Variants in GMFG observed in about 807,000 individuals in gnomAD.
GMFG encodes glia maturation factor gamma.
In GMFG, 21 loss-of-function variants were observed where a neutral mutation model predicts 26.1. The ratio of observed to expected loss-of-function variants is 0.80; its 90% CI spans 0.57 to 1.16. The LOEUF is 1.16. Ranked by LOEUF, GMFG falls within the 50% of genes most tolerant of loss-of-function variation. The pLI, the probability that GMFG is intolerant of heterozygous loss-of-function variation, is 0.00. For missense variants in GMFG, 161 were observed against 178.3 expected, an observed-to-expected ratio of 0.90 and a Z score of 0.55; for synonymous variants, 65 against 60.8, an observed-to-expected ratio of 1.07 and a Z score of -0.32.
In GMFG at chr19:39,329,591, T is replaced by C; in HGVS notation, c.236A>G (p.Asp79Gly). The change falls in exon 5 of 7, where the codon GAT becomes GGT. Residue 79 changes from aspartate (D) to glycine (G), a missense_variant. By Grantham distance (94) the Asp-to-Gly change is moderately conservative. Coordinates refer to ENST00000597595, the MANE Select transcript of GMFG (RefSeq NM_004877.4). ...ACACAAAGGGTAGGACACTCGGCCATCGTCATGCACGTACTTGTAGCTGTA... is the reference window on the plus strand; with the variant it reads ...ACACAAAGGGTAGGACACTCGGCCACCGTCATGCACGTACTTGTAGCTGTA... Reference protein sequence around the residue: ...VVYSYKYVHDDGRVSYPLCFI... With the variant: ...VVYSYKYVHDGGRVSYPLCFI... The C allele has an allele frequency of 6.2e-7, 1 of 1,611,902 alleles. No homozygotes were observed. The highest frequency in any genetic ancestry group is 8.5e-7 in the Non-Finnish European group (1 of 1,178,052).
intron 3 of GMFG, among the ~76,000 whole-genome samples, chr19:39,334,595 T>C (rs1352958778): frequency 6.6e-6 from 1 of 152,046 alleles, no homozygotes; most frequent in Non-Finnish European, 1.5e-5. Context: ...GGAAACTCTT[T>C]CATTTAAATG....
chr19:39,328,748 G>C, intron 6 of GMFG, 200 bp from the exon 7 acceptor site: 1 of 608,618 alleles, frequency 1.6e-6, no homozygotes, highest in South Asian at 1.9e-5. Context: ...GTGTGGTGGC[G>C]TGTGCCTGTC....
chr19:39,328,845 T>A, intron 6 of GMFG, 155 bp downstream of exon 6: 1 of 666,316 alleles, frequency 1.5e-6, no homozygotes, highest in Non-Finnish European at 2.7e-6. Flanking sequence ...GCCACTGCAC[T>A]CCAGCCTGGA....
At chr19:39,335,939 C>A (rs369601636) in intron 1 of GMFG, 35 bp downstream of exon 1, 1 of 1,453,210 alleles carries the variant, frequency 6.9e-7, no homozygotes, top group Non-Finnish European at 9.7e-7. Flanking sequence ...CCAACCCCAG[C>A]CCCAGCTCTT....
chr19:39,335,437 A>G lies in GMFG; in HGVS notation c.98T>C (p.Ile33Thr), dbSNP rs146990947. The G allele has an allele frequency of 1.2e-4, 189 of 1,611,612 alleles. No homozygotes were observed. The African/African-American group carries it at 2.2e-3, about 19-fold the overall frequency. The change falls in exon 2 of 7, where the codon ATA becomes ACA. Residue 33 changes from isoleucine to threonine, a missense_variant and splice_region_variant. Coordinates refer to ENST00000597595, the MANE Select transcript of GMFG (RefSeq NM_004877.4). Reference sequence around the variant, plus strand: ...CTGTGGGGGAAGATGTCACTCACTTATGATGGCTGCATTGTCTGTCTCTTT... The same window carrying G: ...CTGTGGGGGAAGATGTCACTCACTTGTGATGGCTGCATTGTCTGTCTCTTT... Reference protein sequence around the residue: ...FRKETDNAAIIMKVDKDRQMV... With the variant: ...FRKETDNAAITMKVDKDRQMV...
intron 1 of GMFG, 30 bp from the exon 2 acceptor site, chr19:39,335,561 T>A: frequency 6.8e-7 from 1 of 1,463,084 alleles, no homozygotes; most frequent in African/African-American, 1.4e-5. Context: ...AGAGCTGAAA[T>A]GGCCTGGCCT....
At chr19:39,332,652 G>T (rs1206147577) in intron 4 of GMFG, among the ~76,000 whole-genome samples, 4 of 112,060 alleles carry the variant, frequency 3.6e-5, no homozygotes, top group Admixed American at 1.2e-4. Context: ...CAAACACAGA[G>T]ATTCTTTTTT....
Position 39,335,973 on chromosome 19 carries a change from C to T in GMFG, c.3+1G>A. 1 of 1,599,202 alleles carries T rather than the reference C, an allele frequency of 6.3e-7. No homozygotes were observed. Among genetic ancestry groups the T allele is most frequent in the Non-Finnish European group, 8.6e-7 (1 of 1,166,582 alleles). ...TTCCCATAGAACCCCTGGCCCCTGA[C>T]CATGATTGTTCTGTCCACAGGCCTC... On this transcript the variant is annotated splice_donor_variant, in intron 1 of 6. Transcript: ENST00000597595. LOFTEE classifies it high-confidence loss of function.
chr19:39,335,617 A>G, intron 1 of GMFG, 86 bp from the exon 2 acceptor site: 4 of 924,094 alleles, frequency 4.3e-6, no homozygotes, highest in Non-Finnish European at 7.2e-6. Context: ...CCACTAATGA[A>G]GAGGAGCATC....
intron 3 of GMFG, among the ~76,000 whole-genome samples, chr19:39,334,953 G>T (rs920200488): frequency 6.6e-6 from 1 of 151,972 alleles, no homozygotes; most frequent in Non-Finnish European, 1.5e-5. Flanking sequence ...GGGTTCCAGC[G>T]ATTCTCCTGC....
At chr19:39,333,581 C>CAAA (rs750367671) in intron 3 of GMFG, among the ~76,000 whole-genome samples, 4 of 47,268 alleles carry the variant, frequency 8.5e-5, no homozygotes, top group Admixed American at 4.5e-4. Context: ...AACTCCGTCT[C>CAAA]AAAAAAAAAA....
At chr19:39,328,671 G>C in intron 6 of GMFG, 123 bp from the exon 7 acceptor site, 1 of 720,564 alleles carries the variant, frequency 1.4e-6, no homozygotes, top group Admixed American at 2.1e-5. Flanking sequence ...TTAAGGTCAG[G>C]AGTTCGAGAC....
At chr19:39,329,206 C>A in intron 5 of GMFG, 133 bp from the exon 6 acceptor site, 1 of 635,572 alleles carries the variant, frequency 1.6e-6, no homozygotes, top group Non-Finnish European at 2.8e-6. Context: ...CTGCACTGTA[C>A]TCAGTTTCTA....
At chr19:39,328,633 C>G in intron 6 of GMFG, 85 bp from the exon 7 acceptor site, 1 of 942,920 alleles carries the variant, frequency 1.1e-6, no homozygotes, top group South Asian at 1.3e-5. Context: ...TAAGAGAGCA[C>G]TTTGGGAGGC....
chr19:39,334,728 A>AT (rs1335710602), intron 3 of GMFG, among the ~76,000 whole-genome samples: 3 of 152,250 alleles, frequency 2.0e-5, no homozygotes, highest in Admixed American at 6.5e-5. Flanking sequence ...AAACAAGCCT[A>AT]TGAGATAAGT....
chr19:39,333,153 C>G (rs754646161), intron 3 of GMFG, 27 bp from the exon 4 acceptor site: 23 of 1,534,362 alleles, frequency 1.5e-5, no homozygotes, highest in South Asian at 7.9e-5. Context: ...GAAGAAAAGA[C>G]AAAGAATGAG....
At chr19:39,328,688 G>A in intron 6 of GMFG, 140 bp from the exon 7 acceptor site, 1 of 663,212 alleles carries the variant, frequency 1.5e-6, no homozygotes, top group Admixed American at 2.3e-5. Flanking sequence ...AGACCAGCCT[G>A]GCCAATATGG....
chr19:39,335,375 C>G, intron 2 of GMFG, 60 bp downstream of exon 2: 1 of 1,588,558 alleles, frequency 6.3e-7, no homozygotes, highest in Non-Finnish European at 8.6e-7. Flanking sequence ...CAAGCCCAGC[C>G]CTCCCTATCT....
chr19:39,329,102 C>G (rs1364794976), intron 5 of GMFG, 29 bp from the exon 6 acceptor site: 1 of 1,510,002 alleles, frequency 6.6e-7, no homozygotes, highest in South Asian at 1.1e-5. Flanking sequence ...AAAGGCACAT[C>G]AGTGGGGACC....
Sources: gnomAD v4.1 joint callset for allele counts (sites outside exome capture counted in the v4.1 genomes callset) on GRCh38, gnomAD v4.1.1 for gene constraint, MANE v1.5 for transcripts, NCBI Gene and HGNC (gene_info 2026-07-23, HGNC 2026-07-21) for gene names.